FARP1: variants seen among roughly 807,000 people sequenced by gnomAD.
FARP1 encodes the protein FERM, ARHGEF and pleckstrin domain-containing protein 1.
FARP1 carries 52 observed loss-of-function variants against 128.8 expected under a neutral mutation model. The ratio of observed to expected loss-of-function variants is 0.40; its 90% confidence interval spans 0.32 to 0.51. The LOEUF (loss-of-function observed/expected upper bound fraction) is 0.51, where lower values mean the gene tolerates loss of function less well. Among genes scored for constraint, FARP1 ranks in the 20% least tolerant of loss-of-function variants. The pLI, the probability that FARP1 is intolerant of heterozygous loss-of-function variation, is 0.45. For synonymous variants in FARP1, 580 were observed against 551.8 expected, an observed-to-expected ratio of 1.05 and a Z score of -0.72; for missense variants, 1,333 against 1,367.9, an observed-to-expected ratio of 0.97 and a Z score of 0.40.
intron 2 of FARP1, among the ~76,000 whole-genome samples, chr13:98,214,929 T>G (rs1259178803): frequency 6.6e-6 from 1 of 152,138 alleles, no homozygotes; most frequent in African/African-American, 2.4e-5. Context: ...TTCAGTGAGG[T>G]GTTTCGTTTC....
intron 2 of FARP1, chr13:98,332,607 A>G (rs1382490847): frequency 6.6e-6 from 1 of 152,258 alleles, no homozygotes; most frequent in Non-Finnish European, 1.5e-5. Flanking sequence ...AGTTTGATGC[A>G]TGGATTTTCA....
rs993631014 is a variant in FARP1, at chr13:98,442,509, G to A, written c.2796+1673G>A. Among the ~76,000 whole-genome samples the A allele has an allele frequency of 4.6e-5, 7 of 152,312 alleles. No homozygotes were observed. In the East Asian group the frequency reaches 7.7e-4, roughly 17 times the overall value. On this transcript the variant is annotated intron_variant, in intron 24 of 26. Coordinates refer to ENST00000319562, the MANE Select transcript of FARP1 (RefSeq NM_005766.4). ...TTTCTTCCCAGCTGTCCCCACATAC[G>A]AGGCTCTGTCCCATGGGGTTCCCCT...
At chr13:98,311,830 T>G (rs1886471924) in intron 2 of FARP1, among the ~76,000 whole-genome samples, 1 of 143,184 alleles carries the variant, frequency 7.0e-6, no homozygotes, top group African/African-American at 2.5e-5. Context: ...TTATTTCGTT[T>G]TGTTTTTTTT....
At chr13:98,402,369 G>A (rs1270524166) in intron 13 of FARP1, 3 of 152,500 alleles carry the variant, frequency 2.0e-5, no homozygotes, top group African/African-American at 4.8e-5. Context: ...AGATGTGGAG[G>A]CGGTAGTGGT....
intron 2 of FARP1, among the ~76,000 whole-genome samples, chr13:98,285,145 C>A (rs1023670604): frequency 6.6e-6 from 1 of 152,104 alleles, no homozygotes; most frequent in African/African-American, 2.4e-5. Flanking sequence ...AGCAGGCAGT[C>A]TAGATTGTAA....
At chr13:98,396,954 T>G (rs1346979756) in intron 13 of FARP1, 1 of 152,978 alleles carries the variant, frequency 6.5e-6, no homozygotes, top group Non-Finnish European at 1.5e-5. Flanking sequence ...GAGGGCTGCT[T>G]TGTCCATGCC....
intron 2 of FARP1, among the ~76,000 whole-genome samples, chr13:98,316,660 GT>G (rs1886734411): frequency 6.6e-6 from 1 of 152,174 alleles, no homozygotes; most frequent in Non-Finnish European, 1.5e-5. Context: ...GTTTTTATTT[GT>G]AACTAGTGGA....
At chr13:98,285,476 C>T (rs975461289) in intron 2 of FARP1, among the ~76,000 whole-genome samples, 2 of 152,184 alleles carry the variant, frequency 1.3e-5, no homozygotes, top group Non-Finnish European at 2.9e-5. Context: ...CACTCACAGT[C>T]TGAGAAAGCC....
At chr13:98,191,056 C>CA (rs1879197471) in intron 1 of FARP1, among the ~76,000 whole-genome samples, 1 of 152,198 alleles carries the variant, frequency 6.6e-6, no homozygotes, top group Non-Finnish European at 1.5e-5. Context: ...AGCTGACACG[C>CA]AACGTGGCCA....
chr13:98,267,361 C>T (rs1224104875), intron 2 of FARP1, among the ~76,000 whole-genome samples: 13 of 152,138 alleles, frequency 8.5e-5, no homozygotes, highest in Admixed American at 2.6e-4. Flanking sequence ...TTGTGTCGGC[C>T]GAGCCCATTT....
chr13:98,176,343 G>T lies in FARP1; in HGVS notation c.-24+32851G>T. Reference sequence around the variant, plus strand: ...GTTCTTTGGCGGGGTTAAAGATGCCGCCGGTTGGCTGGTCACAGATGTAGC... The same window carrying T: ...GTTCTTTGGCGGGGTTAAAGATGCCTCCGGTTGGCTGGTCACAGATGTAGC... On this transcript the variant is annotated intron_variant, in intron 1 of 26. Coordinates refer to ENST00000319562, the MANE Select transcript of FARP1 (RefSeq NM_005766.4). This position sits in a 1 kb window ranked among gnomAD's most constrained non-coding sequence, Gnocchi z 6.2. The T allele has an allele frequency of 1.2e-6, 2 of 1,613,990 alleles. No homozygotes were observed. Among genetic ancestry groups the T allele is most frequent in the Non-Finnish European group, 1.7e-6 (2 of 1,179,858 alleles).
intron 1 of FARP1, among the ~76,000 whole-genome samples, chr13:98,160,275 C>T (rs972422498): frequency 6.6e-6 from 1 of 152,172 alleles, no homozygotes; most frequent in Non-Finnish European, 1.5e-5. Context: ...TATGCCAGCA[C>T]TCTGGCAGGT....
chr13:98,356,119 G>T (rs1888627143), intron 3 of FARP1, among the ~76,000 whole-genome samples: 1 of 152,116 alleles, frequency 6.6e-6, no homozygotes, highest in Non-Finnish European at 1.5e-5. Flanking sequence ...AGGTTACGTT[G>T]TTCAAATCTA....
At chr13:98,255,167 G>A (rs1011395981) in intron 2 of FARP1, among the ~76,000 whole-genome samples, 1 of 152,142 alleles carries the variant, frequency 6.6e-6, no homozygotes, top group African/African-American at 2.4e-5. Context: ...AAAATTGTAG[G>A]CAGTGTTGTT....
At chr13:98,372,327 T>A (rs1889382829) in intron 5 of FARP1, among the ~76,000 whole-genome samples, 1 of 152,156 alleles carries the variant, frequency 6.6e-6, no homozygotes, top group African/African-American at 2.4e-5. Flanking sequence ...CCTCATGATC[T>A]GCCTGTCTTG....
chr13:98,195,392 T>G lies in FARP1; in HGVS notation c.-23-17828T>G, dbSNP rs534751945. Among the ~76,000 whole-genome samples, 118 of 152,172 alleles carry G rather than the reference T, an allele frequency of 7.8e-4. 1 individual carries two copies. The South Asian group carries it at 0.011, about 15-fold the overall frequency. ...TTCCCCCGGGCTGTTTGTTTGTTTG[T>G]TTGGTTGGTTTTTGCCCACTAGTGT... On this transcript the variant is annotated intron_variant, in intron 1 of 26. Coordinates refer to ENST00000319562, the MANE Select transcript of FARP1 (RefSeq NM_005766.4).
chr13:98,430,597 C>T (rs576443480), intron 17 of FARP1, among the ~76,000 whole-genome samples: 13 of 152,330 alleles, frequency 8.5e-5, no homozygotes, highest in Non-Finnish European at 1.8e-4. Flanking sequence ...ACTGTCTGAG[C>T]AGACGGGGCG....
intron 1 of FARP1, among the ~76,000 whole-genome samples, chr13:98,180,021 A>G (rs1231656497): frequency 6.6e-6 from 1 of 152,106 alleles, no homozygotes; most frequent in African/African-American, 2.4e-5. Flanking sequence ...GGCTAGGGAA[A>G]GGGTAGCCAG....
At chr13:98,295,983 A>G (rs1259416434) in intron 2 of FARP1, among the ~76,000 whole-genome samples, 1 of 152,202 alleles carries the variant, frequency 6.6e-6, no homozygotes. Context: ...CTTAGCCTCT[A>G]GCCCAGGGCT....
Sources: gnomAD v4.1 joint callset for allele counts (sites outside exome capture counted in the v4.1 genomes callset) on GRCh38, gnomAD v4.1.1 for gene constraint, Gnocchi (gnomAD v3.1) non-coding constraint, MANE v1.5 for transcripts, NCBI Gene and HGNC (gene_info 2026-07-23, HGNC 2026-07-21) for gene names.